The following PVT1 variants were observed in gnomAD, a reference collection of about 807,000 sequenced individuals.
The protein encoded by PVT1 is Pvt1 oncogene, also known as CXCR4/PVT1 fusion.
chr8:128,061,184 C>T (rs1334453101), intron 4 of PVT1, among the ~76,000 whole-genome samples: 1 of 152,234 alleles, frequency 6.6e-6, no homozygotes, highest in Admixed American at 6.5e-5. Context: ...GCTGGGATTA[C>T]AGACGTGAGC....
At chr8:128,000,935 C>A (rs1232164166) in intron 4 of PVT1, among the ~76,000 whole-genome samples, 1 of 152,190 alleles carries the variant, frequency 6.6e-6, no homozygotes, top group Non-Finnish European at 1.5e-5. Flanking sequence ...CCCCCTTGTG[C>A]CTTTTCCATG....
chr8:128,098,452 CCCA>C (rs1422946926), intron 6 of PVT1, among the ~76,000 whole-genome samples: 1 of 152,162 alleles, frequency 6.6e-6, no homozygotes, highest in Non-Finnish European at 1.5e-5. Context: ...CCCTCCCCAC[CCCA>C]CCATCAGGGC....
intron 3 of PVT1, among the ~76,000 whole-genome samples, chr8:127,893,623 G>T (rs533402066): frequency 6.6e-6 from 1 of 152,364 alleles, no homozygotes; most frequent in Non-Finnish European, 1.5e-5. Context: ...CATTTGGACA[G>T]CCCTGTCTGA....
chr8:127,803,190 G>T (rs1178838288), intron 2 of PVT1: 1 of 145,898 alleles, frequency 6.9e-6, no homozygotes, highest in African/African-American at 2.6e-5. Flanking sequence ...GTGCAGTGGC[G>T]AGATCTCGGC....
At chr8:127,801,507 TTGGGA>T (rs1233834173) in intron 2 of PVT1, among the ~76,000 whole-genome samples, 2 of 152,036 alleles carry the variant, frequency 1.3e-5, no homozygotes, top group African/African-American at 2.4e-5. Context: ...TCCCAAAGTG[TTGGGA>T]TTACAGGTGT....
intron 2 of PVT1, among the ~76,000 whole-genome samples, chr8:127,802,482 C>G (rs767461869): frequency 6.6e-6 from 1 of 152,204 alleles, no homozygotes; most frequent in Non-Finnish European, 1.5e-5. Context: ...TCCTATAGTT[C>G]TAGGGTTACA....
chr8:128,092,851 T>C (rs1250615528), intron 5 of PVT1, among the ~76,000 whole-genome samples: 2 of 152,132 alleles, frequency 1.3e-5, no homozygotes, highest in Non-Finnish European at 2.9e-5. Flanking sequence ...TAAATACTTT[T>C]GCACCGCCAG....
chr8:127,844,956 A>G (rs906193236), intron 2 of PVT1, among the ~76,000 whole-genome samples: 12 of 152,070 alleles, frequency 7.9e-5, no homozygotes, highest in African/African-American at 2.7e-4. Context: ...CTCGTGATCC[A>G]CCTGCCTCGG....
rs542816088 is a variant in PVT1 at position 127,909,490 on chromosome 8, G to A, written n.782+18492G>A. On this transcript the variant is annotated intron_variant and non_coding_transcript_variant, in intron 3 of 10. Transcript: ENST00000651587. ...GCCTTGTTTTTCCCAGCTGCAAAAT[G>A]AGTGTGATAATAGCGCTTGCTTCAG... Among the ~76,000 whole-genome samples the A allele has an allele frequency of 8.5e-5, 13 of 152,332 alleles. No homozygotes were observed. In the South Asian group the frequency reaches 2.3e-3, roughly 27 times the overall value.
intron 4 of PVT1, among the ~76,000 whole-genome samples, chr8:128,033,664 C>T (rs1202315296): frequency 2.6e-5 from 4 of 152,162 alleles, no homozygotes; most frequent in Admixed American, 6.5e-5. Flanking sequence ...GGGGCCTCAC[C>T]AGTTCAGCGA....
chr8:127,858,805 CTT>C (rs35886687), intron 2 of PVT1, among the ~76,000 whole-genome samples: 192 of 47,280 alleles, frequency 4.1e-3, no homozygotes, highest in African/African-American at 0.012. Context: ...CTTGAAGATT[CTT>C]TTTTTTTTTT....
intron 3 of PVT1, among the ~76,000 whole-genome samples, chr8:127,967,291 GAGA>G (rs982415243): frequency 3.3e-5 from 5 of 152,016 alleles, no homozygotes; most frequent in African/African-American, 4.8e-5. Flanking sequence ...GTGAAGTGGG[GAGA>G]AGGAGAGGTT....
Position 128,037,484 on chromosome 8 carries a change from G to A in PVT1, n.913-32676G>A, listed in dbSNP as rs78129545. On this transcript the variant is annotated intron_variant and non_coding_transcript_variant, in intron 4 of 10. Transcript: ENST00000651587. ...GCACTTTGTTTGCATTCCTGAGGCC[G>A]TGTCGGCAACAGGCTTGGAAAGGGA... Among the ~76,000 whole-genome samples the A allele has an allele frequency of 8.5e-3, 1,298 of 152,300 alleles. 22 individuals carry two copies. Among genetic ancestry groups the A allele is most frequent in the African/African-American group, 0.028 (1,148 of 41,558 alleles).
At chr8:127,799,559 A>G (rs1025540270) in intron 2 of PVT1, among the ~76,000 whole-genome samples, 1 of 152,316 alleles carries the variant, frequency 6.6e-6, no homozygotes, top group Admixed American at 6.5e-5. Context: ...ATGAAAAAGA[A>G]GGAAAACAGA....
chr8:127,860,874 G>C (rs1328966121), intron 2 of PVT1, among the ~76,000 whole-genome samples: 1 of 151,858 alleles, frequency 6.6e-6, no homozygotes, highest in African/African-American at 2.4e-5. Flanking sequence ...CCTACTCGGT[G>C]ACCTTCTCAA....
At chr8:127,875,343 CTCTG>C (rs201660806) in intron 2 of PVT1, among the ~76,000 whole-genome samples, 3,583 of 142,454 alleles carry the variant, frequency 0.025, 55 homozygotes, top group South Asian at 0.045. Flanking sequence ...CTGTCTCTGA[CTCTG>C]TCTGTCTCTG....
chr8:127,931,703 G>A (rs1259195346), intron 3 of PVT1, among the ~76,000 whole-genome samples: 1 of 152,228 alleles, frequency 6.6e-6, no homozygotes, highest in Non-Finnish European at 1.5e-5. Context: ...CAACGGATGG[G>A]AGCCTGCAGG....
intron 2 of PVT1, among the ~76,000 whole-genome samples, chr8:127,833,901 G>GTTGAAAC (rs1390071800): frequency 6.6e-6 from 1 of 152,194 alleles, no homozygotes; most frequent in Non-Finnish European, 1.5e-5. Context: ...AGAAGGGCTT[G>GTTGAAAC]TTGAAACCCA....
intron 3 of PVT1, among the ~76,000 whole-genome samples, chr8:127,931,356 G>A (rs1000157596): frequency 6.6e-6 from 1 of 152,208 alleles, no homozygotes; most frequent in African/African-American, 2.4e-5. Context: ...AGACTCTGCT[G>A]AATGCAGGCC....
Sources: gnomAD v4.1 joint callset for allele counts (sites outside exome capture counted in the v4.1 genomes callset) on GRCh38, gnomAD v4.1.1 for gene constraint, MANE v1.5 for transcripts, NCBI Gene and HGNC (gene_info 2026-07-23, HGNC 2026-07-21) for gene names.